The following TMEM164 variants were observed in gnomAD, a reference collection of about 807,000 sequenced individuals.
TMEM164 encodes the protein transmembrane protein 164, also known as RP13-360B22.2.
TMEM164 carries 4 observed loss-of-function variants against 18.8 expected under a neutral mutation model. The observed-to-expected ratio is 0.21, with a 90% CI of 0.10 to 0.49. The LOEUF (loss-of-function observed/expected upper bound fraction) is 0.49, where lower values mean the gene tolerates loss of function less well. TMEM164 is among the 20% of genes least tolerant of loss of function. The pLI is 0.98. For missense variants in TMEM164, 108 were observed against 239.9 expected (o/e 0.45, Z 3.63); for synonymous variants, 86 against 101.7 (o/e 0.85, Z 0.93).
At chrX:110,122,526 G>A (rs2066466642) in intron 4 of TMEM164, among the ~76,000 whole-genome samples, 1 of 107,854 alleles carries the variant, frequency 9.3e-6, no homozygotes, top group Admixed American at 1.0e-4. Context: ...GTATACATAT[G>A]TAACCTGCAC....
At chrX:110,145,488 C>T (rs1356514854) in intron 5 of TMEM164, among the ~76,000 whole-genome samples, 2 of 111,697 alleles carry the variant, frequency 1.8e-5, no homozygotes, top group Non-Finnish European at 3.8e-5. Flanking sequence ...TATCCCTTCC[C>T]TCTATTGTGT....
intron 5 of TMEM164, among the ~76,000 whole-genome samples, chrX:110,157,395 G>A (rs984370299): frequency 3.6e-5 from 4 of 111,374 alleles, no homozygotes; most frequent in Non-Finnish European, 5.7e-5. Flanking sequence ...AGGAAGGAGG[G>A]GTTAAGGGTG....
At chrX:110,136,957 C>T (rs753085055) in intron 4 of TMEM164, among the ~76,000 whole-genome samples, 1 of 111,819 alleles carries the variant, frequency 8.9e-6, no homozygotes, top group South Asian at 3.8e-4. Context: ...CAAAAGATTA[C>T]TGAGGACCAG....
intron 2 of TMEM164, among the ~76,000 whole-genome samples, chrX:110,016,248 C>G (rs766713256): frequency 2.9e-4 from 33 of 112,556 alleles, no homozygotes; most frequent in Non-Finnish European, 4.7e-4. Flanking sequence ...TTTTTTCATC[C>G]CCCTTTTCCA....
At chrX:110,148,165 T>G (rs1395389110) in intron 5 of TMEM164, among the ~76,000 whole-genome samples, 1 of 111,078 alleles carries the variant, frequency 9.0e-6, no homozygotes, top group Non-Finnish European at 1.9e-5. Flanking sequence ...CTCCACACAT[T>G]GCCCTCACAA....
Position 110,110,308 on chromosome X carries a change from C to T in TMEM164, c.507+1162C>T, listed in dbSNP as rs771560626. 6.2e-5 allele frequency among the ~76,000 whole-genome samples: 7 copies of T among 112,226 alleles called. No homozygotes were observed. In the South Asian group the frequency reaches 2.6e-3, roughly 42 times the overall value. ...TAGAAATTATAGAGAAAACATTCAT[C>T]TAAAGCAGCGATTTTGAACCCTAGT... On this transcript the variant is annotated intron_variant, in intron 4 of 6. Transcript: ENST00000372068.
At chrX:110,088,912 A>G (rs1377893236) in intron 3 of TMEM164, among the ~76,000 whole-genome samples, 1 of 112,104 alleles carries the variant, frequency 8.9e-6, no homozygotes, top group African/African-American at 3.2e-5. Context: ...ATCTGTGGAA[A>G]CATGGAAAGC....
At chrX:110,051,243 G>T (rs1468638003) in intron 2 of TMEM164, among the ~76,000 whole-genome samples, 1 of 112,017 alleles carries the variant, frequency 8.9e-6, no homozygotes, top group East Asian at 2.8e-4. Context: ...ATTGAAATCA[G>T]CTGGAGCACT....
intron 4 of TMEM164, among the ~76,000 whole-genome samples, chrX:110,128,569 T>A (rs1196739714): frequency 1.8e-5 from 2 of 111,929 alleles, no homozygotes; most frequent in Non-Finnish European, 3.8e-5. Context: ...TGTGGGTATA[T>A]ATCATTCATC....
At chrX:110,105,719 C>A (rs1176627002) in intron 3 of TMEM164, among the ~76,000 whole-genome samples, 1 of 92,474 alleles carries the variant, frequency 1.1e-5, no homozygotes, top group Admixed American at 1.3e-4. Context: ...CACACACACA[C>A]AGACACACAC....
intron 3 of TMEM164, among the ~76,000 whole-genome samples, chrX:110,106,623 C>G (rs1164084628): frequency 8.9e-6 from 1 of 111,733 alleles, no homozygotes; most frequent in Non-Finnish European, 1.9e-5. Flanking sequence ...ATCCTCCCGC[C>G]TCAGCCTCCC....
Position 110,175,072 on chromosome X carries a change from G to A in TMEM164, c.*1621G>A, listed in dbSNP as rs2067275415. ...AATCCCCAGGGCTTGGGGAGCAGGA[G>A]GGGAGGGCACCAAGTGCTCTTACTC... On this transcript the variant is annotated 3_prime_UTR_variant, in exon 7 of 7. Coordinates refer to ENST00000372068, the MANE Select transcript of TMEM164 (RefSeq NM_032227.4). 1 of 112,401 alleles carries A rather than the reference G, an allele frequency of 8.9e-6. No homozygotes were observed. The highest frequency in any genetic ancestry group is 3.2e-5 in the African/African-American group (1 of 30,911). 9.3% of individuals were successfully genotyped at this position (112,401 alleles called of 1,213,427 possible). A position where few individuals can be genotyped will look rare whatever the true frequency, so the allele number is the denominator to read the frequency against.
At chrX:110,101,516 C>T (rs966144369) in intron 3 of TMEM164, among the ~76,000 whole-genome samples, 12 of 109,428 alleles carry the variant, frequency 1.1e-4, no homozygotes, top group Non-Finnish European at 2.1e-4. Context: ...TTATCCATGT[C>T]ATTCTACCTA....
chrX:110,050,153 T>A (rs1328009261), intron 2 of TMEM164, among the ~76,000 whole-genome samples: 1 of 111,940 alleles, frequency 8.9e-6, no homozygotes, highest in East Asian at 2.8e-4. Context: ...CCCTTTGTCT[T>A]TCTGGGCCGA....
intron 2 of TMEM164, among the ~76,000 whole-genome samples, chrX:110,019,734 G>A (rs1239195791): frequency 8.9e-6 from 1 of 112,220 alleles, no homozygotes; most frequent in Non-Finnish European, 1.9e-5. Context: ...ATTCTAGGTA[G>A]CCACTTATCA....
chrX:110,093,944 A>AC lies in TMEM164; in HGVS notation c.441-15133dup, dbSNP rs754004095. On this transcript the variant is annotated intron_variant, in intron 3 of 6. Coordinates refer to ENST00000372068, the MANE Select transcript of TMEM164 (RefSeq NM_032227.4). ...TATTTCTGCCTTCATTTCGTTATGT[A>AC]CCCAGTAGTCATTCAGGAGCAGGTT... Among the ~76,000 whole-genome samples, 16 of 111,451 alleles carry AC rather than the reference A, an allele frequency of 1.4e-4. No homozygotes were observed. In the South Asian group the frequency reaches 6.0e-3, roughly 42 times the overall value.
At chrX:110,052,554 T>G (rs927502795) in intron 2 of TMEM164, among the ~76,000 whole-genome samples, 2 of 111,590 alleles carry the variant, frequency 1.8e-5, no homozygotes, top group East Asian at 2.8e-4. Context: ...AGCAAGTACC[T>G]GATGAGCATC....
intron 5 of TMEM164, among the ~76,000 whole-genome samples, chrX:110,159,210 C>T (rs924659249): frequency 9.0e-6 from 1 of 110,834 alleles, no homozygotes; most frequent in Non-Finnish European, 1.9e-5. Context: ...AAGAGTTCTG[C>T]TTCCCACCAG....
At chrX:110,046,752 T>A (rs1254220904) in intron 2 of TMEM164, among the ~76,000 whole-genome samples, 1 of 112,326 alleles carries the variant, frequency 8.9e-6, no homozygotes, top group Non-Finnish European at 1.9e-5. Context: ...GCCACCCAGC[T>A]TTCTTGTTGG....
Sources: gnomAD v4.1 joint callset for allele counts (sites outside exome capture counted in the v4.1 genomes callset) on GRCh38, gnomAD v4.1.1 for gene constraint, MANE v1.5 for transcripts, NCBI Gene and HGNC (gene_info 2026-07-23, HGNC 2026-07-21) for gene names.